Variants in ARHGAP15 observed in about 807,000 individuals in gnomAD.
ARHGAP15 encodes the protein rho GTPase-activating protein 15.
A neutral mutation model predicts 63.7 loss-of-function variants in ARHGAP15; 51 were observed. The ratio of observed to expected loss-of-function variants is 0.80; its 90% CI spans 0.64 to 1.01. The LOEUF is 1.01. Ranked by LOEUF, ARHGAP15 falls within the 50% of genes least tolerant of loss-of-function variation. The probability of loss-of-function intolerance (pLI) is 0.00; values close to 1 mark genes in which losing one functional copy is unlikely to be tolerated. For synonymous variants in ARHGAP15, 191 were observed against 193.8 expected (o/e 0.99, Z 0.12); for missense variants, 560 against 564.6 (o/e 0.99, Z 0.08).
At chr2:143,258,989 C>T (rs1275674472) in intron 6 of ARHGAP15, among the ~76,000 whole-genome samples, 2 of 151,272 alleles carry the variant, frequency 1.3e-5, no homozygotes, top group Non-Finnish European at 2.9e-5. Context: ...GATTCCTTTC[C>T]CAAGTAACTT....
intron 10 of ARHGAP15, among the ~76,000 whole-genome samples, chr2:143,551,169 G>A (rs558640388): frequency 7.2e-5 from 11 of 152,160 alleles, no homozygotes; most frequent in African/African-American, 1.7e-4. Context: ...TTTTCTTTTC[G>A]AGACAGGGCC....
chr2:143,601,342 A>G (rs1266969683), intron 11 of ARHGAP15, among the ~76,000 whole-genome samples: 1 of 152,146 alleles, frequency 6.6e-6, no homozygotes, highest in Admixed American at 6.6e-5. Flanking sequence ...GTAGGAGTAG[A>G]CATGATAGCA....
chr2:143,541,867 A>T (rs1038139949), intron 10 of ARHGAP15, among the ~76,000 whole-genome samples: 3 of 152,280 alleles, frequency 2.0e-5, no homozygotes, highest in Admixed American at 2.0e-4. Context: ...TCAGATCTCA[A>T]GCTGTTTGCT....
At chr2:143,308,208 C>A (rs544965039) in intron 6 of ARHGAP15, among the ~76,000 whole-genome samples, 1 of 152,090 alleles carries the variant, frequency 6.6e-6, no homozygotes, top group Admixed American at 6.6e-5. Context: ...AAATAGAATA[C>A]CATAAATAGA....
intron 12 of ARHGAP15, among the ~76,000 whole-genome samples, chr2:143,672,207 T>C (rs553371843): frequency 6.6e-5 from 10 of 152,126 alleles, no homozygotes; most frequent in Non-Finnish European, 1.2e-4. Context: ...GAGAGAGTCA[T>C]TAAGGTCTGG....
chr2:143,303,495 A>C (rs542279673), intron 6 of ARHGAP15, among the ~76,000 whole-genome samples: 256 of 152,216 alleles, frequency 1.7e-3, no homozygotes, highest in African/African-American at 6.1e-3. Context: ...TAAATGTTAG[A>C]CCTAAAACCA....
intron 1 of ARHGAP15, among the ~76,000 whole-genome samples, chr2:143,150,926 T>C (rs999122617): frequency 1.2e-4 from 18 of 151,958 alleles, no homozygotes; most frequent in Admixed American, 1.1e-3. Context: ...TATTACTAAA[T>C]TACATAGAAA....
In ARHGAP15 at chr2:143,631,654, A is replaced by G. The variant is rs939628841; in HGVS notation, c.1138+7387A>G. ...ACCTACTTTTTCAAAAAAATTGGCTATTTCTTTGCTATTGAGTTTCAAGAG... is the reference window on the plus strand; with the variant it reads ...ACCTACTTTTTCAAAAAAATTGGCTGTTTCTTTGCTATTGAGTTTCAAGAG... On this transcript the variant is annotated intron_variant, in intron 12 of 13. Coordinates refer to ENST00000295095, the MANE Select transcript of ARHGAP15 (RefSeq NM_018460.4). Among the ~76,000 whole-genome samples, 7 of 152,158 alleles carry G rather than the reference A, an allele frequency of 4.6e-5. No homozygotes were observed. The East Asian group carries it at 7.7e-4, about 17-fold the overall frequency.
intron 10 of ARHGAP15, among the ~76,000 whole-genome samples, chr2:143,523,347 G>A (rs973056871): frequency 2.0e-5 from 3 of 152,090 alleles, no homozygotes; most frequent in African/African-American, 7.2e-5. Flanking sequence ...AAATACGTGT[G>A]TTTAAAAATG....
At chr2:143,358,694 A>G (rs1326368253) in intron 6 of ARHGAP15, among the ~76,000 whole-genome samples, 1 of 151,708 alleles carries the variant, frequency 6.6e-6, no homozygotes, top group Non-Finnish European at 1.5e-5. Context: ...CAACATATCT[A>G]TACTAACAGA....
At chr2:143,506,843 T>G (rs995682880) in intron 9 of ARHGAP15, among the ~76,000 whole-genome samples, 2 of 152,072 alleles carry the variant, frequency 1.3e-5, no homozygotes, top group African/African-American at 2.4e-5. Flanking sequence ...TCTGTCCTAC[T>G]GTGGTCTGTT....
At chr2:143,654,067 A>G (rs1422932815) in intron 12 of ARHGAP15, among the ~76,000 whole-genome samples, 1 of 152,208 alleles carries the variant, frequency 6.6e-6, no homozygotes, top group Non-Finnish European at 1.5e-5. Flanking sequence ...TCAGTGAAGA[A>G]GCTATTGGTT....
At chr2:143,147,895 T>A (rs779093310) in intron 1 of ARHGAP15, among the ~76,000 whole-genome samples, 1 of 152,076 alleles carries the variant, frequency 6.6e-6, no homozygotes, top group African/African-American at 2.4e-5. Flanking sequence ...CCCACGAGCA[T>A]GTTATATATT....
intron 11 of ARHGAP15, among the ~76,000 whole-genome samples, chr2:143,561,434 A>G (rs1181522045): frequency 2.6e-5 from 4 of 152,210 alleles, no homozygotes; most frequent in African/African-American, 9.6e-5. Flanking sequence ...GTACACAGTT[A>G]CAAATATTCT....
intron 6 of ARHGAP15, among the ~76,000 whole-genome samples, chr2:143,347,128 A>C (rs1360219455): frequency 2.0e-5 from 3 of 152,178 alleles, no homozygotes; most frequent in Admixed American, 1.3e-4. Flanking sequence ...AGTGACCAGT[A>C]ATCAATTATT....
intron 5 of ARHGAP15, among the ~76,000 whole-genome samples, chr2:143,248,597 T>A (rs1451077146): frequency 1.3e-5 from 2 of 152,182 alleles, no homozygotes; most frequent in African/African-American, 4.8e-5. Context: ...TACCTACAAC[T>A]TAGTGATGAT....
chr2:143,610,526 A>G (rs1216525182), intron 11 of ARHGAP15, among the ~76,000 whole-genome samples: 1 of 152,224 alleles, frequency 6.6e-6, no homozygotes, highest in East Asian at 1.9e-4. Context: ...TTATTTAGAT[A>G]CAACCACTGA....
At chr2:143,383,238 T>C (rs1038425778) in intron 6 of ARHGAP15, among the ~76,000 whole-genome samples, 3 of 152,144 alleles carry the variant, frequency 2.0e-5, no homozygotes, top group African/African-American at 7.2e-5. Flanking sequence ...GGCTTCAAAG[T>C]TTTCTTCTAA....
chr2:143,339,619 C>T (rs764879969), intron 6 of ARHGAP15, among the ~76,000 whole-genome samples: 2 of 152,090 alleles, frequency 1.3e-5, no homozygotes, highest in African/African-American at 2.4e-5. Context: ...CAGTTCCTAC[C>T]TATTTCTCCC....
Sources: gnomAD v4.1 joint callset for allele counts (sites outside exome capture counted in the v4.1 genomes callset) on GRCh38, gnomAD v4.1.1 for gene constraint, MANE v1.5 for transcripts, NCBI Gene and HGNC (gene_info 2026-07-23, HGNC 2026-07-21) for gene names.